GTSE1: variants seen among roughly 807,000 people sequenced by gnomAD.
GTSE1 encodes the protein G2 and S phase-expressed protein 1.
A neutral mutation model predicts 60.5 loss-of-function variants in GTSE1; 52 were observed. The ratio of observed to expected loss-of-function variants is 0.86; its 90% confidence interval spans 0.69 to 1.08. GTSE1 has a LOEUF of 1.08. GTSE1 is among the 50% of genes least tolerant of loss of function. The pLI, the probability that GTSE1 is intolerant of heterozygous loss-of-function variation, is 0.00. For synonymous variants in GTSE1, 368 were observed against 386.5 expected (o/e 0.95, Z 0.56); for missense variants, 937 against 961.8 (o/e 0.97, Z 0.34).
intron 8 of GTSE1, among the ~76,000 whole-genome samples, chr22:46,323,951 C>T (rs916100360): frequency 1.3e-5 from 2 of 152,188 alleles, no homozygotes; most frequent in African/African-American, 4.8e-5. Flanking sequence ...CTCTGCCTCC[C>T]AAAGTGCTGG....
Position 46,323,237 on chromosome 22 carries a change from C to A in GTSE1, c.1480C>A (p.Pro494Thr). ...ACCAAAGCTTTCGCGGGCACAGCGG[C>A]CGCAGTCGTGCACGTCAGTTGGCAG... is the stretch of plus-strand genomic sequence containing the variant. The part of the protein sequence containing the change: ...STPKLSRAQR[P>T]QSCTSVGRVT... The change falls in exon 8 of 12, where the codon CCG becomes ACG. Residue 494 changes from proline (P) to threonine (T), a missense_variant. Transcript: ENST00000454366. 1 of 1,613,924 alleles carries A rather than the reference C, an allele frequency of 6.2e-7. No homozygotes were observed. The highest frequency in any genetic ancestry group is 2.2e-5 in the East Asian group (1 of 44,888).
intron 2 of GTSE1, 145 bp from the exon 3 acceptor site, chr22:46,308,005 A>G: frequency 1.6e-6 from 1 of 631,636 alleles, no homozygotes; most frequent in East Asian, 2.8e-5. Flanking sequence ...CCCCCTATGA[A>G]AAACTAAATT....
rs534229050 is a variant in GTSE1, at chr22:46,324,277, A to C, written c.1505+1015A>C. On this transcript the variant is annotated intron_variant, in intron 8 of 11. Transcript: ENST00000454366. This position sits in a 1 kb window ranked among gnomAD's most constrained non-coding sequence, Gnocchi z 5.2. ...TGAAGAGCAAAGACCAGAGCCAGGCAGCCACTGGCCACCTCACTTGCCTCT... is the reference window on the plus strand; with the variant it reads ...TGAAGAGCAAAGACCAGAGCCAGGCCGCCACTGGCCACCTCACTTGCCTCT... Among the ~76,000 whole-genome samples, 5 of 152,356 alleles carry C rather than the reference A, an allele frequency of 3.3e-5. No individual in the cohort carries two copies. The South Asian group carries it at 8.3e-4, about 25-fold the overall frequency.
intron 2 of GTSE1, among the ~76,000 whole-genome samples, chr22:46,299,988 A>T: frequency 8.7e-6 from 1 of 115,008 alleles, no homozygotes; most frequent in Non-Finnish European, 1.8e-5. Context: ...TTTTTTTAGT[A>T]GAGATGGGGT....
At chr22:46,303,517 C>T (rs1405378775) in intron 2 of GTSE1, among the ~76,000 whole-genome samples, 2 of 152,224 alleles carry the variant, frequency 1.3e-5, no homozygotes, top group Non-Finnish European at 2.9e-5. Context: ...GTTACCTCCA[C>T]ATTCCTTCCT....
chr22:46,311,067 T>G lies in GTSE1; in HGVS notation c.763-1074T>G, dbSNP rs559710292. ...ACCGCTAATGGGTACAGGTTGTTTT[T>G]TTTTTTGTTTTGTTTTGTTTTGTTT... On this transcript the variant is annotated intron_variant, in intron 4 of 11. Transcript: ENST00000454366. Among the ~76,000 whole-genome samples, 45 of 151,510 alleles carry G rather than the reference T, an allele frequency of 3.0e-4. No homozygotes were observed. In the South Asian group the frequency reaches 8.7e-3, roughly 29 times the overall value.
At position 46,314,915 on chromosome 22, in the gene GTSE1, ACT is replaced by A. The variant is rs1258754695; in HGVS notation, c.1051+905_1051+906del. Among the ~76,000 whole-genome samples, 2 of 151,318 alleles carry A rather than the reference ACT, an allele frequency of 1.3e-5. No homozygotes were observed. Among genetic ancestry groups the A allele is most frequent in the African/African-American group, 4.9e-5 (2 of 41,186 alleles). On this transcript the variant is annotated intron_variant, in intron 6 of 11. Coordinates refer to ENST00000454366, the MANE Select transcript of GTSE1 (RefSeq NM_016426.7). This position sits in a 1 kb window ranked among gnomAD's most constrained non-coding sequence, Gnocchi z 7.1. ...CAGATTGATCTGATCTGGAATTCTG[ACT>A]CTGCCATTCTGTGATTAAGAGAGGT...
chr22:46,306,222 C>T (rs1176044753), intron 2 of GTSE1, among the ~76,000 whole-genome samples: 1 of 152,182 alleles, frequency 6.6e-6, no homozygotes, highest in Non-Finnish European at 1.5e-5. Context: ...CACTCAGTCA[C>T]CCAGGCTGGA....
chr22:46,306,995 A>C (rs2147816172), intron 2 of GTSE1, among the ~76,000 whole-genome samples: 1 of 152,296 alleles, frequency 6.6e-6, no homozygotes, highest in Admixed American at 6.5e-5. Context: ...GTCAAGAGGC[A>C]CTCACAGAGG....
intron 2 of GTSE1, among the ~76,000 whole-genome samples, chr22:46,298,939 A>C (rs1462700062): frequency 6.6e-6 from 1 of 152,108 alleles, no homozygotes; most frequent in African/African-American, 2.4e-5. Context: ...TCTCCTTCCA[A>C]GCCAAACTTT....
In GTSE1 at chr22:46,313,867, T is replaced by C. The variant is rs1021253132; in HGVS notation, c.928-23T>C. On this transcript the variant is annotated intron_variant, in intron 5 of 11. Coordinates refer to ENST00000454366, the MANE Select transcript of GTSE1 (RefSeq NM_016426.7). The surrounding 1 kb of genome is among the most constrained non-coding windows in gnomAD (Gnocchi z 4.4). ...TAAATAACGAGATCTTTGCTGATTC[T>C]GTTTTTTCACATTTTGCCCCAGTTG... 4.3e-6 allele frequency: 7 copies of C among 1,613,532 alleles called. No homozygotes were observed. The highest frequency in any genetic ancestry group is 3.3e-5 in the Admixed American group (2 of 60,012).
rs1450119792 is a variant in GTSE1 at position 46,319,122 on chromosome 22, A to G, written c.1432+2710A>G. On this transcript the variant is annotated intron_variant, in intron 7 of 11. Coordinates refer to ENST00000454366, the MANE Select transcript of GTSE1 (RefSeq NM_016426.7). This position sits in a 1 kb window ranked among gnomAD's most constrained non-coding sequence, Gnocchi z 5.0. ...AAGTTGCTGTTGAACAAAAACTAGC[A>G]ACCTCAGCCAGTCAGTGACCGAGGG... is the stretch of plus-strand genomic sequence containing the variant. 6.6e-6 allele frequency among the ~76,000 whole-genome samples: 1 copy of G among 152,208 alleles called. No individual in the cohort carries two copies. The highest frequency in any genetic ancestry group is 1.5e-5 in the Non-Finnish European group (1 of 68,042).
chr22:46,311,849 G>T (rs911302256), intron 4 of GTSE1, among the ~76,000 whole-genome samples: 19 of 152,174 alleles, frequency 1.2e-4, no homozygotes, highest in African/African-American at 4.3e-4. Flanking sequence ...CTTAAATAAG[G>T]ATCCTGACTG....
At chr22:46,312,020 T>C in intron 4 of GTSE1, 121 bp from the exon 5 acceptor site, 1 of 740,192 alleles carries the variant, frequency 1.4e-6, no homozygotes, top group Non-Finnish European at 2.3e-6. Context: ...GGCTGATGAA[T>C]GGAGGGGCAT....
At chr22:46,311,290 C>T (rs9615945) in intron 4 of GTSE1, among the ~76,000 whole-genome samples, 22,519 of 152,044 alleles carry the variant, frequency 0.15, 2,254 homozygotes, top group African/African-American at 0.28. Flanking sequence ...ATTAGTCAGG[C>T]TGGTCTCAAA....
chr22:46,298,956 T>G (rs2077673773), intron 2 of GTSE1, among the ~76,000 whole-genome samples: 1 of 152,184 alleles, frequency 6.6e-6, no homozygotes, highest in Admixed American at 6.5e-5. Flanking sequence ...CTTTGAGAGC[T>G]TTCTCACTTG....
chr22:46,307,955 T>A (rs12169855), intron 2 of GTSE1, among the ~76,000 whole-genome samples, 195 bp from the exon 3 acceptor site: 1 of 152,070 alleles, frequency 6.6e-6, no homozygotes, highest in Non-Finnish European at 1.5e-5. Context: ...CTAGAAAAAA[T>A]TTAAAAAATT....
rs535203487 is a variant in GTSE1, at chr22:46,324,658, C to T, written c.1505+1396C>T. Among the ~76,000 whole-genome samples the T allele has an allele frequency of 1.6e-3, 247 of 152,282 alleles. 1 individual carries two copies. The highest frequency in any genetic ancestry group is 5.8e-3 in the African/African-American group (241 of 41,570). ...CTGGGATTACAGGTGTGAGCCACCGCGCCTGGCCGGAATTTTTATTTTCAC... is the reference window on the plus strand; with the variant it reads ...CTGGGATTACAGGTGTGAGCCACCGTGCCTGGCCGGAATTTTTATTTTCAC... On this transcript the variant is annotated intron_variant, in intron 8 of 11. Coordinates refer to ENST00000454366, the MANE Select transcript of GTSE1 (RefSeq NM_016426.7). The surrounding 1 kb of genome is among the most constrained non-coding windows in gnomAD (Gnocchi z 5.2).
rs2077801220 is a variant in GTSE1 at position 46,319,695 on chromosome 22, G to C, written c.1432+3283G>C. 1.3e-5 allele frequency among the ~76,000 whole-genome samples: 2 copies of C among 152,120 alleles called. No homozygotes were observed. Among genetic ancestry groups the C allele is most frequent in the South Asian group, 4.1e-4 (2 of 4,820 alleles). On this transcript the variant is annotated intron_variant, in intron 7 of 11. Transcript: ENST00000454366. This position sits in a 1 kb window ranked among gnomAD's most constrained non-coding sequence, Gnocchi z 5.0. ...GCAGAGAGCTGAGTTTGTAGAGATG[G>C]GAGCTGTGAGCTGGGCACGGTGGCT...
Sources: allele counts gnomAD v4.1 joint callset (sites outside exome capture counted in the v4.1 genomes callset), GRCh38; gene constraint gnomAD v4.1.1; non-coding constraint Gnocchi (gnomAD v3.1); transcripts MANE v1.5; gene names NCBI Gene and HGNC (gene_info 2026-07-23, HGNC 2026-07-21).